Variants in RBFOX1 observed in about 807,000 individuals in gnomAD.
RBFOX1 encodes RNA binding fox-1 homolog 1, also known as RNA binding protein fox-1 homolog 1.
In RBFOX1, 8 loss-of-function variants were observed where a neutral mutation model predicts 57.7. That is an observed-to-expected ratio of 0.14 (90% CI 0.08 to 0.25). The LOEUF is 0.25. Among genes scored for constraint, RBFOX1 ranks in the 10% least tolerant of loss-of-function variants. The pLI is 1.00. For missense variants in RBFOX1, 611 were observed against 548.5 expected, an observed-to-expected ratio of 1.11 and a Z score of -1.14; for synonymous variants, 326 against 222.4, an observed-to-expected ratio of 1.47 and a Z score of -4.15.
At chr16:6,808,847 A>G (rs577937901) in intron 3 of RBFOX1, among the ~76,000 whole-genome samples, 1 of 152,288 alleles carries the variant, frequency 6.6e-6, no homozygotes, top group East Asian at 1.9e-4. Flanking sequence ...ACCTCTTACC[A>G]AGGGAATACT....
chr16:7,685,463 T>C (rs1461958010), intron 14 of RBFOX1, among the ~76,000 whole-genome samples: 2 of 152,086 alleles, frequency 1.3e-5, no homozygotes, highest in African/African-American at 2.4e-5. Flanking sequence ...CACGCTAATA[T>C]AAAGGAGTAC....
At chr16:5,456,771 G>C (rs2068642800) in intron 1 of RBFOX1, among the ~76,000 whole-genome samples, 1 of 152,088 alleles carries the variant, frequency 6.6e-6, no homozygotes, top group Non-Finnish European at 1.5e-5. Flanking sequence ...GGCAGCCCTG[G>C]TCATGTAATT....
intron 3 of RBFOX1, among the ~76,000 whole-genome samples, chr16:6,724,546 C>T (rs1201484280): frequency 6.6e-6 from 1 of 152,032 alleles, no homozygotes; most frequent in East Asian, 1.9e-4. Flanking sequence ...CCTCACCAGA[C>T]ACCAAATCTA....
At chr16:6,041,034 G>A (rs1332781218) in intron 1 of RBFOX1, among the ~76,000 whole-genome samples, 6 of 152,092 alleles carry the variant, frequency 3.9e-5, no homozygotes, top group Admixed American at 2.6e-4. Context: ...AATACATAAT[G>A]TTACCCATCC....
At chr16:7,344,430 T>G (rs1220855863) in intron 4 of RBFOX1, among the ~76,000 whole-genome samples, 2 of 150,092 alleles carry the variant, frequency 1.3e-5, no homozygotes, top group South Asian at 4.2e-4. Flanking sequence ...TGCAATAATA[T>G]GTATTTTATG....
At chr16:6,366,330 A>G (rs1600163607) in intron 2 of RBFOX1, among the ~76,000 whole-genome samples, 1 of 152,264 alleles carries the variant, frequency 6.6e-6, no homozygotes, top group Non-Finnish European at 1.5e-5. Context: ...AACTATAAAG[A>G]CTTCTACATT....
intron 1 of RBFOX1, among the ~76,000 whole-genome samples, chr16:6,206,455 T>G (rs895886580): frequency 3.3e-5 from 5 of 152,144 alleles, no homozygotes; most frequent in Non-Finnish European, 7.3e-5. Flanking sequence ...ACTAATGTAT[T>G]TACTCATTTT....
chr16:7,100,300 C>G (rs576220048), intron 4 of RBFOX1, among the ~76,000 whole-genome samples: 59 of 152,182 alleles, frequency 3.9e-4, no homozygotes, highest in African/African-American at 1.1e-3. Flanking sequence ...AACCCTGACT[C>G]TTTCTGAAAA....
intron 14 of RBFOX1, among the ~76,000 whole-genome samples, chr16:7,685,576 G>A (rs1342507083): frequency 6.6e-6 from 1 of 152,096 alleles, no homozygotes; most frequent in Non-Finnish European, 1.5e-5. Context: ...TGAAGAAGGT[G>A]AACATTATAA....
chr16:6,786,904 C>G (rs1175769762), intron 3 of RBFOX1, among the ~76,000 whole-genome samples: 1 of 77,588 alleles, frequency 1.3e-5, no homozygotes, highest in Non-Finnish European at 2.5e-5. Context: ...GGCTTTTTTA[C>G]TTTTAAAAAA....
At chr16:7,547,254 A>G (rs773093596) in intron 5 of RBFOX1, among the ~76,000 whole-genome samples, 2 of 152,224 alleles carry the variant, frequency 1.3e-5, no homozygotes, top group Non-Finnish European at 2.9e-5. Flanking sequence ...CCAGCAGGCA[A>G]CCTGCTAGCT....
At chr16:5,307,319 T>G (rs1429308707) in intron 1 of RBFOX1, among the ~76,000 whole-genome samples, 1 of 152,214 alleles carries the variant, frequency 6.6e-6, no homozygotes, top group Non-Finnish European at 1.5e-5. Context: ...CTCTTGAATC[T>G]GCTTCACACC....
chr16:7,511,348 T>C (rs1249679061), intron 4 of RBFOX1, among the ~76,000 whole-genome samples: 1 of 152,144 alleles, frequency 6.6e-6, no homozygotes, highest in Non-Finnish European at 1.5e-5. Context: ...AGAAGGGCAA[T>C]GTCTTGGGGA....
At chr16:5,710,653 G>A (rs1191429115) in intron 3 of RBFOX1, among the ~76,000 whole-genome samples, 4 of 152,346 alleles carry the variant, frequency 2.6e-5, no homozygotes, top group South Asian at 2.1e-4. Flanking sequence ...ATTGCGTGCA[G>A]TGGAGTGAGT....
intron 4 of RBFOX1, among the ~76,000 whole-genome samples, chr16:7,188,678 C>A (rs2084538333): frequency 6.6e-6 from 1 of 152,174 alleles, no homozygotes; most frequent in African/African-American, 2.4e-5. Flanking sequence ...ACATGTCCTG[C>A]AGCAGGTTTC....
At chr16:7,506,847 G>T (rs373484062) in intron 4 of RBFOX1, among the ~76,000 whole-genome samples, 135 of 152,294 alleles carry the variant, frequency 8.9e-4, no homozygotes, top group African/African-American at 3.1e-3. Flanking sequence ...CACTGAAGTA[G>T]GTTAGAGTCC....
At chr16:6,001,456 G>C (rs548740254) in intron 4 of RBFOX1, among the ~76,000 whole-genome samples, 21 of 152,254 alleles carry the variant, frequency 1.4e-4, no homozygotes, top group African/African-American at 4.8e-4. Flanking sequence ...GACTTTGCTC[G>C]AATTACAGAA....
At chr16:6,865,629 G>A (rs1350910022) in intron 3 of RBFOX1, among the ~76,000 whole-genome samples, 1 of 152,290 alleles carries the variant, frequency 6.6e-6, no homozygotes, top group African/African-American at 2.4e-5. Context: ...ACTATGGACT[G>A]AGATGTATTC....
At chr16:5,623,957 C>G (rs59729502) in intron 3 of RBFOX1, among the ~76,000 whole-genome samples, 8,561 of 152,232 alleles carry the variant, frequency 0.056, 788 homozygotes, top group African/African-American at 0.19. Context: ...AACTTTAGAA[C>G]ATTTCCATCA....
Sources: gnomAD v4.1 joint callset for allele counts (sites outside exome capture counted in the v4.1 genomes callset) on GRCh38, gnomAD v4.1.1 for gene constraint, MANE v1.5 for transcripts, NCBI Gene and HGNC (gene_info 2026-07-23, HGNC 2026-07-21) for gene names.